FOXJ3: variants seen among roughly 807,000 people sequenced by gnomAD.
FOXJ3 encodes the protein forkhead box J3.
Under a neutral mutation model 76.1 loss-of-function variants are expected in FOXJ3, and 22 were observed. That is an observed-to-expected ratio of 0.29 (90% CI 0.21 to 0.41). The LOEUF is 0.41. Ranked by LOEUF, FOXJ3 falls within the 10% of genes least tolerant of loss-of-function variation. The pLI is 1.00. For missense variants in FOXJ3, 613 were observed against 762.1 expected (o/e 0.80, Z 2.30); for synonymous variants, 269 against 261.2 (o/e 1.03, Z -0.29).
Position 42,278,573 on chromosome 1 carries a change from T to G in FOXJ3, c.144A>C (p.Ala48=), listed in dbSNP as rs150348832. The G allele has an allele frequency of 8.7e-6, 14 of 1,614,184 alleles. No homozygotes were observed. In the African/African-American group the frequency reaches 1.6e-4, roughly 18 times the overall value. The change falls in exon 3 of 13, where the codon GCA becomes GCC. Residue 48 remains alanine (A), a synonymous_variant. Coordinates refer to ENST00000361346, the MANE Select transcript of FOXJ3 (RefSeq NM_014947.5). The stretch of plus-strand genomic sequence containing the variant: ...TCTTCTTAGAAATTCCTGTTCCATG[T>G]GCATTTTGTGTAGCATCAGATTTTT... ...AIQKSDATQN[A]HGTGISKKNA...
chr1:42,317,584 A>G (rs1655192756), intron 1 of FOXJ3, among the ~76,000 whole-genome samples: 1 of 151,846 alleles, frequency 6.6e-6, no homozygotes, highest in Non-Finnish European at 1.5e-5. Flanking sequence ...AAGAGAGAGA[A>G]AGGCAATCAT....
intron 4 of FOXJ3, 58 bp from the exon 5 acceptor site, chr1:42,228,024 G>C: frequency 1.2e-6 from 1 of 859,676 alleles, no homozygotes; most frequent in Non-Finnish European, 1.8e-6. Flanking sequence ...ATATTAAAAT[G>C]GATTTTTATA....
intron 4 of FOXJ3, among the ~76,000 whole-genome samples, chr1:42,234,740 C>T (rs1425489993): frequency 6.6e-6 from 1 of 152,238 alleles, no homozygotes; most frequent in Non-Finnish European, 1.5e-5. Context: ...AATGTTGCTG[C>T]CTGACCGTTC....
chr1:42,286,794 C>T lies in FOXJ3; in HGVS notation c.45-8122G>A, dbSNP rs374501936. ...GATTACAGGTGTGTGCCACCACGCC[C>T]GGTTAAATTTTCTATTTCTAGTAGA... is the stretch of plus-strand genomic sequence containing the variant. On this transcript the variant is annotated intron_variant, in intron 2 of 12. Transcript: ENST00000361346. Among the ~76,000 whole-genome samples, 20 of 151,992 alleles carry T rather than the reference C, an allele frequency of 1.3e-4. 2 individuals are homozygous for T. In the South Asian group the frequency reaches 3.5e-3, roughly 27 times the overall value.
intron 11 of FOXJ3, among the ~76,000 whole-genome samples, chr1:42,186,651 A>C (rs1434751278): frequency 1.3e-5 from 2 of 152,144 alleles, no homozygotes; most frequent in Non-Finnish European, 2.9e-5. Context: ...ATCTCAGTCT[A>C]GAGAGAATCT....
intron 4 of FOXJ3, among the ~76,000 whole-genome samples, chr1:42,239,376 G>A (rs343373): frequency 2.0e-5 from 3 of 152,104 alleles, no homozygotes; most frequent in South Asian, 2.1e-4. Flanking sequence ...TCATAAATGC[G>A]TCTCATCAAG....
At position 42,176,938 on chromosome 1, in the gene FOXJ3, T is replaced by C. The variant is rs1476601718; in HGVS notation, c.*2772A>G. On this transcript the variant is annotated 3_prime_UTR_variant, in exon 13 of 13. Transcript: ENST00000361346. ...CGACACGTATTTACAAGAACACACATGAATACATTTACATTTCAAAAACTG... is the reference window on the plus strand; with the variant it reads ...CGACACGTATTTACAAGAACACACACGAATACATTTACATTTCAAAAACTG... 1 of 152,658 alleles carries C rather than the reference T, an allele frequency of 6.6e-6. No individual in the cohort carries two copies. Among genetic ancestry groups the C allele is most frequent in the Non-Finnish European group, 1.5e-5 (1 of 68,038 alleles). 9.5% of individuals were successfully genotyped at this position (152,658 alleles called of 1,614,324 possible). A position where few individuals can be genotyped will look rare whatever the true frequency, so the allele number is the denominator to read the frequency against.
At chr1:42,180,570 G>C (rs912412761) in intron 12 of FOXJ3, among the ~76,000 whole-genome samples, 11 of 151,986 alleles carry the variant, frequency 7.2e-5, no homozygotes, top group African/African-American at 2.7e-4. Context: ...TGTTGTGGAA[G>C]TTTTACTGGA....
intron 1 of FOXJ3, among the ~76,000 whole-genome samples, chr1:42,325,014 T>C (rs1557727402): frequency 6.6e-6 from 1 of 152,148 alleles, no homozygotes; most frequent in Admixed American, 6.5e-5. Flanking sequence ...ACCACCACTG[T>C]ATATATATGC....
intron 2 of FOXJ3, among the ~76,000 whole-genome samples, chr1:42,308,011 A>G (rs940592010): frequency 6.6e-6 from 1 of 152,186 alleles, no homozygotes; most frequent in African/African-American, 2.4e-5. Context: ...TCACTTACTA[A>G]CTACCCTCTT....
At chr1:42,312,094 A>T (rs1424712994) in intron 1 of FOXJ3, among the ~76,000 whole-genome samples, 2 of 152,176 alleles carry the variant, frequency 1.3e-5, no homozygotes, top group African/African-American at 4.8e-5. Flanking sequence ...GTCTGAAGGG[A>T]TCAGGGCTAT....
intron 3 of FOXJ3, 23 bp from the exon 4 acceptor site, chr1:42,265,212 A>G (rs1651372312): frequency 7.5e-7 from 1 of 1,328,284 alleles, no homozygotes; most frequent in Non-Finnish European, 1.0e-6. Flanking sequence ...AAGAAAAGCC[A>G]TAAGGTCAAT....
intron 4 of FOXJ3, among the ~76,000 whole-genome samples, chr1:42,230,310 T>C (rs1647969770): frequency 1.3e-5 from 2 of 152,102 alleles, no homozygotes; most frequent in Admixed American, 1.3e-4. Context: ...TAACACTTTA[T>C]ACCCACTAGC....
At chr1:42,223,510 C>T (rs1399922367) in intron 5 of FOXJ3, among the ~76,000 whole-genome samples, 3 of 152,196 alleles carry the variant, frequency 2.0e-5, no homozygotes, top group Non-Finnish European at 4.4e-5. Flanking sequence ...ACTAGTCAAT[C>T]ATGCATGCTG....
chr1:42,189,577 A>G lies in FOXJ3; in HGVS notation c.1352-173T>C, dbSNP rs779251086. On this transcript the variant is annotated intron_variant, in intron 9 of 12. Transcript: ENST00000361346. ...GCAATCTGCTCTGTGAGACAGGCAG[A>G]AAGGTATTATTTCTCTCCATTTTAC... 7.6e-6 allele frequency: 4 copies of G among 527,988 alleles called. No homozygotes were observed. In the South Asian group the frequency reaches 9.0e-5, roughly 12 times the overall value. 32.7% of individuals were successfully genotyped at this position (527,988 alleles called of 1,614,324 possible).
rs1553172294 is a variant in FOXJ3 at position 42,335,162 on chromosome 1, G to GGCCCCGAGCA, written c.-131_-122dup. ...AACGGTGCCTACTGCGAGCGGTCGA[G>GGCCCCGAGCA]GCCCCGAGCAGCCCCGAGAGCGGCG... On this transcript the variant is annotated 5_prime_UTR_variant, in exon 1 of 13. The change abolishes the stop of an existing upstream ORF in the 5' untranslated region. Coordinates refer to ENST00000361346, the MANE Select transcript of FOXJ3 (RefSeq NM_014947.5). 1 of 152,140 alleles carries GGCCCCGAGCA rather than the reference G, an allele frequency of 6.6e-6. No individual in the cohort carries two copies. The highest frequency in any genetic ancestry group is 6.6e-5 in the Admixed American group (1 of 15,266). 9.4% of individuals were successfully genotyped at this position (152,140 alleles called of 1,614,324 possible).
rs1441717841 is a variant in FOXJ3, at chr1:42,278,420, C to A, written c.297G>T (p.Met99Ile). ...TCCACTGATAAATTTCACTTAAAGT[C>A]ATTTTCTTTTTGGGTGAGCTATTAA... ...FAINSSPKKK[M>I]TLSEIYQWIC... The change falls in exon 3 of 13, where the codon ATG (methionine) becomes ATT (isoleucine). Residue 99 changes from methionine to isoleucine, a missense_variant. Coordinates refer to ENST00000361346, the MANE Select transcript of FOXJ3 (RefSeq NM_014947.5). The A allele has an allele frequency of 6.2e-7, 1 of 1,613,994 alleles. No homozygotes were observed. Among genetic ancestry groups the A allele is most frequent in the South Asian group, 1.1e-5 (1 of 91,070 alleles).
chr1:42,246,631 T>TAA (rs758386607), intron 4 of FOXJ3, among the ~76,000 whole-genome samples: 5 of 136,836 alleles, frequency 3.7e-5, no homozygotes, highest in African/African-American at 2.7e-5. Flanking sequence ...TGTTGCTTTC[T>TAA]AAAAAAAAAA....
intron 4 of FOXJ3, among the ~76,000 whole-genome samples, chr1:42,244,206 T>C (rs1408616108): frequency 6.6e-6 from 1 of 152,102 alleles, no homozygotes; most frequent in Non-Finnish European, 1.5e-5. Flanking sequence ...TAACAATAAA[T>C]GCCTACATCA....
Sources: gnomAD v4.1 joint callset for allele counts (sites outside exome capture counted in the v4.1 genomes callset) on GRCh38, gnomAD v4.1.1 for gene constraint, MANE v1.5 for transcripts, NCBI Gene and HGNC (gene_info 2026-07-23, HGNC 2026-07-21) for gene names.